Variants in APBA2 observed in about 807,000 individuals in gnomAD.
APBA2 encodes the protein amyloid beta precursor protein binding family A member 2, also known as amyloid-beta A4 precursor protein-binding family A member 2.
Under a neutral mutation model 75.0 loss-of-function variants are expected in APBA2, and 30 were observed. The observed-to-expected ratio is 0.40, with a 90% CI of 0.30 to 0.54. The LOEUF (loss-of-function observed/expected upper bound fraction) is 0.54, where lower values mean the gene tolerates loss of function less well. Ranked by LOEUF, APBA2 falls within the 20% of genes least tolerant of loss-of-function variation. The pLI, the probability that APBA2 is intolerant of heterozygous loss-of-function variation, is 0.49. For synonymous variants in APBA2, 444 were observed against 409.6 expected, an observed-to-expected ratio of 1.08 and a Z score of -1.01; for missense variants, 801 against 1,016.1, an observed-to-expected ratio of 0.79 and a Z score of 2.88.
intron 1 of APBA2, among the ~76,000 whole-genome samples, chr15:28,892,199 C>T (rs1055650159): frequency 6.6e-6 from 1 of 152,170 alleles, no homozygotes; most frequent in Non-Finnish European, 1.5e-5. Context: ...CTCAGCCTAC[C>T]GAGTAGCTGG....
intron 3 of APBA2, among the ~76,000 whole-genome samples, chr15:29,011,349 A>T (rs2039394435): frequency 6.6e-6 from 1 of 152,206 alleles, no homozygotes. Context: ...ATTATTAATT[A>T]GTTCAAAATC....
intron 3 of APBA2, among the ~76,000 whole-genome samples, chr15:29,050,550 A>G (rs1386122258): frequency 2.0e-5 from 3 of 152,188 alleles, no homozygotes; most frequent in East Asian, 3.9e-4. Context: ...AATAGGAAAC[A>G]CCAGTGGAAA....
At chr15:28,958,115 C>G (rs918333904) in intron 2 of APBA2, among the ~76,000 whole-genome samples, 1 of 152,180 alleles carries the variant, frequency 6.6e-6, no homozygotes, top group African/African-American at 2.4e-5. Context: ...TCTGCTTTCT[C>G]AAAGTTAGAT....
At chr15:29,116,816 C>A (rs1034137191) in intron 14 of APBA2, among the ~76,000 whole-genome samples, 2 of 152,118 alleles carry the variant, frequency 1.3e-5, no homozygotes, top group Admixed American at 1.3e-4. Flanking sequence ...GGACTGGAAG[C>A]AAAACTAGCA....
rs543872600 is a variant in APBA2 at position 29,117,449 on chromosome 15, T to C, written c.*316T>C. The stretch of plus-strand genomic sequence containing the variant: ...CTGTGCGTGGTGTGGAGTGTGTGTC[T>C]TTCCTCCCTGAAGCTGTGCGGAGCG... On this transcript the variant is annotated 3_prime_UTR_variant, in exon 15 of 15. Coordinates refer to ENST00000683413, the MANE Select transcript of APBA2 (RefSeq NM_001353788.2). 9.2e-6 allele frequency: 4 copies of C among 436,466 alleles called. No homozygotes were observed. Among genetic ancestry groups the C allele is most frequent in the African/African-American group, 8.0e-5 (4 of 49,828 alleles). 27.0% of individuals were successfully genotyped at this position (436,466 alleles called of 1,614,324 possible).
At chr15:28,902,558 A>G (rs2032924441) in intron 1 of APBA2, among the ~76,000 whole-genome samples, 1 of 152,156 alleles carries the variant, frequency 6.6e-6, no homozygotes, top group African/African-American at 2.4e-5. Flanking sequence ...AAGCTATGGA[A>G]ATGCCAATGA....
At chr15:28,892,055 G>C (rs1036476835) in intron 1 of APBA2, among the ~76,000 whole-genome samples, 8 of 151,596 alleles carry the variant, frequency 5.3e-5, no homozygotes, top group Admixed American at 3.9e-4. Flanking sequence ...TCCTAGATGG[G>C]GTACTGTGTT....
chr15:29,052,478 C>T (rs1427157111), intron 3 of APBA2, among the ~76,000 whole-genome samples: 3 of 118,428 alleles, frequency 2.5e-5, no homozygotes, highest in African/African-American at 9.5e-5. Context: ...AGAAGTAGAA[C>T]GTTAAGCAAA....
intron 3 of APBA2, among the ~76,000 whole-genome samples, chr15:29,013,180 G>A (rs2039485719): frequency 6.6e-6 from 1 of 151,496 alleles, no homozygotes; most frequent in African/African-American, 2.4e-5. Flanking sequence ...AGTTGATGGT[G>A]CCTCATGGTA....
intron 13 of APBA2, among the ~76,000 whole-genome samples, chr15:29,110,795 C>T (rs2044685746): frequency 6.6e-6 from 1 of 152,206 alleles, no homozygotes; most frequent in South Asian, 2.1e-4. Context: ...CAGCCTGGAG[C>T]AGCCCAGCCA....
intron 3 of APBA2, among the ~76,000 whole-genome samples, chr15:29,001,238 G>A (rs1214501362): frequency 6.6e-6 from 1 of 151,818 alleles, no homozygotes; most frequent in African/African-American, 2.4e-5. Context: ...TTTTGAGACA[G>A]GGTCTCACTC....
chr15:29,115,802 C>G (rs923221569), intron 14 of APBA2, among the ~76,000 whole-genome samples: 3 of 152,110 alleles, frequency 2.0e-5, no homozygotes, highest in African/African-American at 7.2e-5. Flanking sequence ...CAGATCCCGG[C>G]GGGGGAGGGA....
At chr15:28,906,983 T>C (rs989728294) in intron 1 of APBA2, among the ~76,000 whole-genome samples, 3 of 152,058 alleles carry the variant, frequency 2.0e-5, no homozygotes, top group Non-Finnish European at 4.4e-5. Flanking sequence ...ATGCAAAAAT[T>C]TGGAAGTTTT....
intron 2 of APBA2, among the ~76,000 whole-genome samples, chr15:28,960,885 G>A (rs8029312): frequency 0.11 from 16,151 of 150,920 alleles, 2,853 homozygotes; most frequent in African/African-American, 0.37. Flanking sequence ...TCAGCCTCCC[G>A]AGTAGCTGGG....
intron 2 of APBA2, among the ~76,000 whole-genome samples, chr15:28,942,867 G>A (rs554257253): frequency 4.6e-5 from 7 of 152,286 alleles, no homozygotes; most frequent in Non-Finnish European, 7.3e-5. Flanking sequence ...CTGGGCCTGC[G>A]TTGTCCCCGA....
intron 3 of APBA2, among the ~76,000 whole-genome samples, chr15:29,018,810 G>A (rs1430659920): frequency 2.0e-5 from 3 of 152,204 alleles, no homozygotes; most frequent in Non-Finnish European, 2.9e-5. Flanking sequence ...GCCAGTGAGC[G>A]ATACTCTGTA....
intron 2 of APBA2, among the ~76,000 whole-genome samples, chr15:28,939,805 G>A (rs559315968): frequency 9.9e-5 from 15 of 152,126 alleles, no homozygotes; most frequent in Admixed American, 8.5e-4. Flanking sequence ...GGGTGCCTCC[G>A]TGCAGCTTGG....
chr15:29,090,395 C>T (rs2043502348), intron 6 of APBA2, among the ~76,000 whole-genome samples: 1 of 152,236 alleles, frequency 6.6e-6, no homozygotes, highest in Non-Finnish European at 1.5e-5. Flanking sequence ...CCCAAATCTA[C>T]TCAAGGACAT....
intron 2 of APBA2, among the ~76,000 whole-genome samples, chr15:28,971,913 A>C (rs1485238584): frequency 2.0e-5 from 3 of 152,184 alleles, no homozygotes; most frequent in African/African-American, 7.2e-5. Context: ...AGAAATAGAA[A>C]ATGTGTAGCA....
Sources: allele counts gnomAD v4.1 joint callset (sites outside exome capture counted in the v4.1 genomes callset), GRCh38; gene constraint gnomAD v4.1.1; transcripts MANE v1.5; gene names NCBI Gene and HGNC (gene_info 2026-07-23, HGNC 2026-07-21).